SNAP47: variants seen among roughly 807,000 people sequenced by gnomAD.
SNAP47 encodes synaptosomal-associated protein 47.
A neutral mutation model predicts 31.4 loss-of-function variants in SNAP47; 20 were observed. The ratio of observed to expected loss-of-function variants is 0.64; its 90% CI spans 0.45 to 0.93. The LOEUF (loss-of-function observed/expected upper bound fraction) is 0.93, where lower values mean the gene tolerates loss of function less well. Ranked by LOEUF, SNAP47 falls within the 40% of genes least tolerant of loss-of-function variation. The pLI is 0.00. For missense variants in SNAP47, 492 were observed against 528.5 expected, an observed-to-expected ratio of 0.93 and a Z score of 0.68; for synonymous variants, 194 against 213.4, an observed-to-expected ratio of 0.91 and a Z score of 0.79.
chr1:227,777,544 C>T (rs192684078), intron 4 of SNAP47, among the ~76,000 whole-genome samples: 19 of 152,270 alleles, frequency 1.2e-4, no homozygotes, highest in African/African-American at 3.6e-4. Flanking sequence ...ACCTTCATGG[C>T]GGCTTGCTAG....
In SNAP47 at chr1:227,740,832, C is replaced by T. The variant is rs1037266169; in HGVS notation, c.-46+5333C>T. ...AGAGGAACTGACTCTGGTGCTGCTA[C>T]ACTGGGGTGCCCATTAGGGGTGGGA... On this transcript the variant is annotated intron_variant, in intron 1 of 4. Transcript: ENST00000617596. Among the ~76,000 whole-genome samples, 5 of 152,056 alleles carry T rather than the reference C, an allele frequency of 3.3e-5. 1 individual carries two copies. Among genetic ancestry groups the T allele is most frequent in the African/African-American group, 1.2e-4 (5 of 41,374 alleles).
chr1:227,758,474 C>T (rs555526166), intron 2 of SNAP47, among the ~76,000 whole-genome samples: 60 of 152,220 alleles, frequency 3.9e-4, no homozygotes, highest in Non-Finnish European at 7.8e-4. Flanking sequence ...CTGGAGCATG[C>T]GGACGAGAGT....
chr1:227,748,943 A>G (rs1356618641), intron 2 of SNAP47, among the ~76,000 whole-genome samples: 6 of 152,102 alleles, frequency 3.9e-5, no homozygotes, highest in East Asian at 1.9e-4. Flanking sequence ...GAGTCCTGCT[A>G]TCTTCTGTTT....
At position 227,780,553 on chromosome 1, in the gene SNAP47, C is replaced by T. The variant is rs375123139; in HGVS notation, c.1140C>T (p.Ala380=). The T allele has an allele frequency of 6.0e-5, 97 of 1,613,994 alleles. No homozygotes were observed. Among genetic ancestry groups the T allele is most frequent in the Non-Finnish European group, 7.0e-5 (83 of 1,180,040 alleles). ...TQILRRMKGL[A]LEAESELERQ... is the part of the protein sequence containing the mutation. ...TCCTGAGGAGGATGAAGGGGCTGGC[C>T]CTGGAGGCCGAGAGTGAGCTGGAGA... Residue 380 remains alanine, a synonymous_variant, in exon 5 of 5, where the codon GCC becomes GCT. Transcript: ENST00000617596.
intron 1 of SNAP47, among the ~76,000 whole-genome samples, chr1:227,739,349 TG>T (rs1257280456): frequency 2.0e-5 from 3 of 152,214 alleles, no homozygotes; most frequent in African/African-American, 7.2e-5. Context: ...GTCAGCACTT[TG>T]GAGAAAATGC....
intron 2 of SNAP47, among the ~76,000 whole-genome samples, chr1:227,753,693 T>C (rs1399490776): frequency 6.6e-6 from 1 of 152,016 alleles, no homozygotes; most frequent in Non-Finnish European, 1.5e-5. Flanking sequence ...ACAAGCAGGA[T>C]TGCAAAATCA....
intron 2 of SNAP47, among the ~76,000 whole-genome samples, chr1:227,754,755 TG>T (rs1662591772): frequency 6.6e-6 from 1 of 152,076 alleles, no homozygotes; most frequent in Non-Finnish European, 1.5e-5. Context: ...AGGGGAACAC[TG>T]AGGAAATGAG....
intron 3 of SNAP47, among the ~76,000 whole-genome samples, chr1:227,759,984 C>T (rs566839503): frequency 6.4e-4 from 98 of 152,238 alleles, no homozygotes; most frequent in East Asian, 2.7e-3. Flanking sequence ...TGCCTGTGTC[C>T]GCTTCCCCCT....
chr1:227,740,974 A>G (rs546603006), intron 1 of SNAP47, among the ~76,000 whole-genome samples: 1 of 134,550 alleles, frequency 7.4e-6, no homozygotes. Flanking sequence ...GGGCTGTGAA[A>G]TTGGGGTGCC....
chr1:227,731,965 G>A, upstream of SNAP47: 1 of 215,098 alleles, frequency 4.6e-6, no homozygotes, highest in South Asian at 8.6e-5. Context: ...AGCTTGCCCA[G>A]CACTGCTCCA....
At chr1:227,744,834 G>A (rs188903832) in intron 1 of SNAP47, among the ~76,000 whole-genome samples, 17 of 152,308 alleles carry the variant, frequency 1.1e-4, no homozygotes, top group African/African-American at 3.8e-4. Flanking sequence ...TGGCTGTGCT[G>A]TGCCAAGCAC....
intron 3 of SNAP47, 70 bp downstream of exon 3, chr1:227,759,555 T>A: frequency 6.4e-7 from 1 of 1,557,770 alleles, no homozygotes; most frequent in South Asian, 1.2e-5. Context: ...AGCACGCCTG[T>A]GGGAAATGCC....
At chr1:227,747,640 G>C (rs1258872736) in intron 1 of SNAP47, 52 bp from the exon 2 acceptor site, 3 of 1,524,316 alleles carry the variant, frequency 2.0e-6, no homozygotes, top group African/African-American at 1.4e-5. Flanking sequence ...GGGGTTGCTT[G>C]TGTCTCCAGT....
chr1:227,749,359 C>T (rs1159321741), intron 2 of SNAP47, among the ~76,000 whole-genome samples: 2 of 152,110 alleles, frequency 1.3e-5, no homozygotes, highest in Non-Finnish European at 2.9e-5. Context: ...CTCCCTCTGC[C>T]CTCAGGTTCC....
At chr1:227,734,068 G>GT (rs1297813524), upstream of SNAP47, 1 of 1,602,272 alleles carries the variant, frequency 6.2e-7, no homozygotes. Flanking sequence ...CCGACAGCAC[G>GT]TGAGGCACGA....
intron 4 of SNAP47, 35 bp downstream of exon 4, chr1:227,767,118 G>A (rs1212988656): frequency 1.9e-6 from 3 of 1,612,516 alleles, no homozygotes; most frequent in South Asian, 2.2e-5. Context: ...AGCCAGCGCT[G>A]TGTCCCAGTC....
At chr1:227,739,067 G>A (rs1166799337) in intron 1 of SNAP47, among the ~76,000 whole-genome samples, 4 of 152,188 alleles carry the variant, frequency 2.6e-5, no homozygotes, top group Non-Finnish European at 4.4e-5. Context: ...ACATAGGCTT[G>A]TGTCACCCAG....
intron 1 of SNAP47, among the ~76,000 whole-genome samples, chr1:227,742,501 G>C (rs991590920): frequency 1.3e-5 from 2 of 152,222 alleles, no homozygotes; most frequent in African/African-American, 4.8e-5. Context: ...TGTTTCCAGA[G>C]CTGTAAACTG....
intron 4 of SNAP47, chr1:227,776,649 T>C: frequency 1.0e-6 from 1 of 985,494 alleles, no homozygotes; most frequent in Non-Finnish European, 1.2e-6. Context: ...ATGCACACGA[T>C]GCCATGTAAT....
Sources: gnomAD v4.1 joint callset for allele counts (sites outside exome capture counted in the v4.1 genomes callset) on GRCh38, gnomAD v4.1.1 for gene constraint, MANE v1.5 for transcripts, NCBI Gene and HGNC (gene_info 2026-07-23, HGNC 2026-07-21) for gene names.